PCDHA2: variants seen among roughly 807,000 people sequenced by gnomAD.
PCDHA2 encodes protocadherin alpha-2.
PCDHA2 carries 58 observed loss-of-function variants against 66.0 expected under a neutral mutation model. That is an observed-to-expected ratio of 0.88 (90% CI 0.71 to 1.09). The LOEUF (loss-of-function observed/expected upper bound fraction) is 1.09. PCDHA2 is among the 50% of genes least tolerant of loss of function. The probability of loss-of-function intolerance (pLI) is 0.00; values close to 1 mark genes in which losing one functional copy is unlikely to be tolerated. For missense variants in PCDHA2, 1,267 were observed against 1,242.3 expected (o/e 1.02, Z -0.30); for synonymous variants, 634 against 554.0 (o/e 1.14, Z -2.03).
intron 1 of PCDHA2, chr5:140,843,933 G>A: frequency 1.7e-6 from 1 of 576,250 alleles, no homozygotes. Context: ...CTCAAGTTAT[G>A]GTTGGATGAT....
At chr5:140,842,458 A>G (rs1777969478) in intron 1 of PCDHA2, 4 of 1,613,788 alleles carry the variant, frequency 2.5e-6, no homozygotes, top group Non-Finnish European at 3.4e-6. Flanking sequence ...ACCTCGATTC[A>G]GGTGCCAACG....
intron 1 of PCDHA2, chr5:140,852,195 C>T (rs2150513188): frequency 8.5e-6 from 6 of 709,164 alleles, no homozygotes; most frequent in African/African-American, 1.9e-5. Flanking sequence ...ATGCCAGTAA[C>T]GTTTATTTAA....
chr5:140,940,643 T>A (rs2092660320), intron 1 of PCDHA2, among the ~76,000 whole-genome samples: 1 of 152,226 alleles, frequency 6.6e-6, no homozygotes, highest in Non-Finnish European at 1.5e-5. Flanking sequence ...TGTCATTTAT[T>A]TATTTAAATA....
At chr5:140,866,161 G>A (rs782713244) in intron 1 of PCDHA2, 17 of 152,170 alleles carry the variant, frequency 1.1e-4, no homozygotes, top group East Asian at 1.9e-4. Context: ...AGTAAGAATC[G>A]TTTAACATGT....
rs141944892 is a variant in PCDHA2, at chr5:140,818,708, C to T, written c.2388+21356C>T. Reference sequence around the variant, plus strand: ...AAAAAATTAGCTAGATGTGGTGGTGCACACCTGTGGTCCCAGCTACTTGGG... The same window carrying T: ...AAAAAATTAGCTAGATGTGGTGGTGTACACCTGTGGTCCCAGCTACTTGGG... On this transcript the variant is annotated intron_variant, in intron 1 of 3. Coordinates refer to ENST00000526136, the MANE Select transcript of PCDHA2 (RefSeq NM_018905.3). Among the ~76,000 whole-genome samples the T allele has an allele frequency of 4.7e-3, 709 of 152,220 alleles. 10 individuals are homozygous for T. Among genetic ancestry groups the T allele is most frequent in the African/African-American group, 0.016 (664 of 41,536 alleles).
intron 1 of PCDHA2, among the ~76,000 whole-genome samples, chr5:140,947,982 T>C (rs1178353293): frequency 1.3e-5 from 2 of 148,572 alleles, no homozygotes; most frequent in Admixed American, 1.3e-4. Flanking sequence ...CTCATAGGTT[T>C]TTCCCAAATA....
chr5:140,851,390 C>T (rs1410826615), intron 1 of PCDHA2: 3 of 973,626 alleles, frequency 3.1e-6, no homozygotes, highest in East Asian at 2.2e-4. Flanking sequence ...CCTTCAGTAT[C>T]TATTATTTTA....
intron 1 of PCDHA2, among the ~76,000 whole-genome samples, chr5:140,889,253 G>A (rs1272394693): frequency 6.6e-6 from 1 of 151,724 alleles, no homozygotes; most frequent in Non-Finnish European, 1.5e-5. Flanking sequence ...TCTGTTTCCT[G>A]TAAAAGTTTG....
chr5:140,976,353 C>T (rs1401617354), intron 1 of PCDHA2, among the ~76,000 whole-genome samples: 2 of 151,992 alleles, frequency 1.3e-5, no homozygotes, highest in African/African-American at 2.4e-5. Context: ...GTGTTCAAGA[C>T]CAGCCTGGCC....
intron 3 of PCDHA2, among the ~76,000 whole-genome samples, chr5:140,995,371 C>T (rs143381591): frequency 1.3e-5 from 2 of 152,238 alleles, no homozygotes; most frequent in African/African-American, 2.4e-5. Flanking sequence ...GGATGATTCA[C>T]GTACTGGGCA....
At chr5:140,805,227 C>T in intron 1 of PCDHA2, 1 of 1,392,092 alleles carries the variant, frequency 7.2e-7, no homozygotes, top group South Asian at 1.8e-5. Flanking sequence ...TTCTATTCTG[C>T]TGCATTCCCC....
intron 1 of PCDHA2, among the ~76,000 whole-genome samples, chr5:140,930,626 A>G (rs1554207971): frequency 6.6e-6 from 1 of 152,220 alleles, no homozygotes; most frequent in Non-Finnish European, 1.5e-5. Flanking sequence ...GGAGGTGTGT[A>G]GAAATTAAGG....
intron 1 of PCDHA2, chr5:140,862,344 G>C (rs1303625702): frequency 3.0e-6 from 1 of 333,098 alleles, no homozygotes; most frequent in Non-Finnish European, 5.9e-6. Flanking sequence ...CCTAACTTCA[G>C]TGCCAAGGGA....
At chr5:140,842,099 A>G (rs1554138785) in intron 1 of PCDHA2, 1 of 1,613,876 alleles carries the variant, frequency 6.2e-7, no homozygotes, top group Non-Finnish European at 8.5e-7. Flanking sequence ...CAACGGAACA[A>G]CAGTTATCAA....
At chr5:140,982,030 C>G (rs2096963361) in intron 2 of PCDHA2, among the ~76,000 whole-genome samples, 1 of 152,196 alleles carries the variant, frequency 6.6e-6, no homozygotes, top group South Asian at 2.1e-4. Flanking sequence ...TGGAACAATA[C>G]TCCAATTATC....
intron 1 of PCDHA2, chr5:140,822,354 G>T: frequency 6.2e-7 from 1 of 1,614,096 alleles, no homozygotes; most frequent in Non-Finnish European, 8.5e-7. Context: ...TTTTAGAGCT[G>T]GTTTTGAGGA....
At chr5:140,823,541 T>C in intron 1 of PCDHA2, 1 of 1,613,782 alleles carries the variant, frequency 6.2e-7, no homozygotes, top group Non-Finnish European at 8.5e-7. Flanking sequence ...GCGGGCCACG[T>C]GGTGGCGAAG....
intron 1 of PCDHA2, among the ~76,000 whole-genome samples, chr5:140,924,043 G>C (rs2081638586): frequency 6.6e-6 from 1 of 152,176 alleles, no homozygotes; most frequent in Non-Finnish European, 1.5e-5. Flanking sequence ...AGACCTAAAA[G>C]TTCGGTACAT....
At chr5:140,967,107 G>C (rs782199698) in intron 1 of PCDHA2, 1 of 1,612,994 alleles carries the variant, frequency 6.2e-7, no homozygotes. Flanking sequence ...TGTGAGCAGC[G>C]GCCTCGCTGC....
Sources: allele counts gnomAD v4.1 joint callset (sites outside exome capture counted in the v4.1 genomes callset), GRCh38; gene constraint gnomAD v4.1.1; transcripts MANE v1.5; gene names NCBI Gene and HGNC (gene_info 2026-07-23, HGNC 2026-07-21).